CRACR2A: variants seen among roughly 807,000 people sequenced by gnomAD.
CRACR2A encodes calcium release activated channel regulator 2A.
In CRACR2A, 79 loss-of-function variants were observed where a neutral mutation model predicts 90.5. That is an observed-to-expected ratio of 0.87 (90% confidence interval 0.73 to 1.05). The LOEUF (loss-of-function observed/expected upper bound fraction) is 1.05, where lower values mean the gene tolerates loss of function less well. Ranked by LOEUF, CRACR2A falls within the 50% of genes least tolerant of loss-of-function variation. CRACR2A has a pLI of 0.00. For missense variants in CRACR2A, 823 were observed against 897.2 expected (o/e 0.92, Z 1.06); for synonymous variants, 338 against 356.7 (o/e 0.95, Z 0.59).
intron 4 of CRACR2A, among the ~76,000 whole-genome samples, chr12:3,695,089 G>C (rs1449420284): frequency 6.6e-6 from 1 of 152,178 alleles, no homozygotes; most frequent in Non-Finnish European, 1.5e-5. Context: ...AGCTCAATGA[G>C]AGTTAATTAG....
chr12:3,747,833 C>T lies in CRACR2A; in HGVS notation c.-387+5182G>A, dbSNP rs545279033. On this transcript the variant is annotated intron_variant, in intron 1 of 19. Coordinates refer to ENST00000440314, the MANE Select transcript of CRACR2A (RefSeq NM_001144958.2). ...GTGTGCTACGTCTCACCCTTCTCAC[C>T]TTTCCTCTAACTAAGCCCAGAAGGG... is the stretch of plus-strand genomic sequence containing the variant. Among the ~76,000 whole-genome samples, 7 of 152,348 alleles carry T rather than the reference C, an allele frequency of 4.6e-5. No homozygotes were observed. The East Asian group carries it at 1.4e-3, about 29-fold the overall frequency.
At chr12:3,652,914 T>C (rs1040770199) in intron 10 of CRACR2A, among the ~76,000 whole-genome samples, 3 of 152,230 alleles carry the variant, frequency 2.0e-5, no homozygotes, top group Admixed American at 6.5e-5. Flanking sequence ...TCTTAGCATC[T>C]TGGGAGAGTT....
intron 8 of CRACR2A, among the ~76,000 whole-genome samples, chr12:3,657,408 G>A (rs921032359): frequency 2.6e-5 from 4 of 152,212 alleles, no homozygotes; most frequent in Non-Finnish European, 5.9e-5. Context: ...TGCACTAGAC[G>A]GGTGTCCTGG....
chr12:3,652,690 C>T (rs932057081), intron 10 of CRACR2A, among the ~76,000 whole-genome samples: 11 of 152,160 alleles, frequency 7.2e-5, no homozygotes, highest in African/African-American at 2.7e-4. Context: ...AAACAAGTTC[C>T]GGTAAGTAGC....
At chr12:3,749,034 A>T (rs1327155004) in intron 1 of CRACR2A, among the ~76,000 whole-genome samples, 4 of 152,204 alleles carry the variant, frequency 2.6e-5, no homozygotes. Context: ...CCTGAGTTCA[A>T]ATCCTGCCTC....
In CRACR2A at chr12:3,633,791, C is replaced by T. The variant is rs1944415242; in HGVS notation, c.1603-55G>A. ...CAGGGAATAGTCTTGCCAGCCCCTG[C>T]CCCTGCCACCAGAGGCCCTTTACCC... On this transcript the variant is annotated intron_variant, in intron 14 of 19. Transcript: ENST00000440314. The surrounding 1 kb of genome is among the most constrained non-coding windows in gnomAD (Gnocchi z 4.5). 3.9e-6 allele frequency: 6 copies of T among 1,548,032 alleles called. No individual in the cohort carries two copies. The highest frequency in any genetic ancestry group is 3.6e-5 in the South Asian group (3 of 83,922).
At chr12:3,655,286 G>C (rs1944880713) in intron 9 of CRACR2A, among the ~76,000 whole-genome samples, 1 of 152,184 alleles carries the variant, frequency 6.6e-6, no homozygotes, top group Admixed American at 6.5e-5. Context: ...TAGAGAGGAA[G>C]AGAAAGAGTA....
chr12:3,750,010 C>T (rs1309647042), intron 1 of CRACR2A, among the ~76,000 whole-genome samples: 2 of 151,808 alleles, frequency 1.3e-5, no homozygotes, highest in East Asian at 1.9e-4. Context: ...AATCTCAGCT[C>T]ACTGCAAACA....
intron 10 of CRACR2A, among the ~76,000 whole-genome samples, chr12:3,651,329 A>G (rs963448419): frequency 6.6e-6 from 1 of 152,260 alleles, no homozygotes; most frequent in African/African-American, 2.4e-5. Context: ...GCCTGCATAT[A>G]CAGAGCATAC....
rs1332662005 is a variant in CRACR2A, at chr12:3,654,194, G to A, written c.1046+18C>T. ...GGTGCGGGAAGACAGCAGAGGAGTG[G>A]ACAAAGGCTGGACTCACATCTCCTT... On this transcript the variant is annotated intron_variant, in intron 10 of 19. Transcript: ENST00000440314. The A allele has an allele frequency of 2.5e-6, 4 of 1,608,102 alleles. No homozygotes were observed. In the Admixed American group the frequency reaches 6.8e-5, roughly 28 times the overall value.
At position 3,697,159 on chromosome 12, in the gene CRACR2A, A is replaced by G. The variant is rs781764204; in HGVS notation, c.-36-124T>C. 4 of 1,193,764 alleles carry G rather than the reference A, an allele frequency of 3.4e-6. No individual in the cohort carries two copies. The South Asian group carries it at 6.5e-5, about 20-fold the overall frequency. 73.9% of individuals were successfully genotyped at this position (1,193,764 alleles called of 1,614,324 possible). A position where few individuals can be genotyped will look rare whatever the true frequency, so the allele number is the denominator to read the frequency against. ...CAGTGTGTCCAGGAATCTCTTAGCA[A>G]CTACCTCTTAATTAGCAAAAGCTCA... On this transcript the variant is annotated intron_variant, in intron 3 of 19. Transcript: ENST00000440314.
intron 13 of CRACR2A, among the ~76,000 whole-genome samples, chr12:3,640,074 GC>G (rs1305782774): frequency 6.6e-6 from 1 of 152,158 alleles, no homozygotes; most frequent in East Asian, 1.9e-4. Flanking sequence ...TTAAAACAAA[GC>G]ATTTCTTGGA....
At chr12:3,736,460 G>A (rs1237751478) in intron 1 of CRACR2A, among the ~76,000 whole-genome samples, 1 of 152,088 alleles carries the variant, frequency 6.6e-6, no homozygotes, top group Non-Finnish European at 1.5e-5. Flanking sequence ...GCTTCCATGG[G>A]ACATTGGAGT....
At chr12:3,638,645 G>A (rs1944503613) in intron 13 of CRACR2A, among the ~76,000 whole-genome samples, 191 bp from the exon 14 acceptor site, 1 of 152,138 alleles carries the variant, frequency 6.6e-6, no homozygotes, top group South Asian at 2.1e-4. Flanking sequence ...TCCACTAAGT[G>A]CCTGCTGCCA....
chr12:3,684,900 G>A (rs933755525), intron 4 of CRACR2A, among the ~76,000 whole-genome samples: 2 of 152,218 alleles, frequency 1.3e-5, no homozygotes, highest in African/African-American at 4.8e-5. Flanking sequence ...TGAAGGCAAG[G>A]GAGAGCGGGC....
At chr12:3,626,082 C>T (rs906093497) in intron 17 of CRACR2A, among the ~76,000 whole-genome samples, 3 of 152,202 alleles carry the variant, frequency 2.0e-5, no homozygotes, top group African/African-American at 7.2e-5. Context: ...GCGTCAGGCA[C>T]AGTAATTTTG....
In CRACR2A at chr12:3,627,709, G is replaced by T; in HGVS notation, c.1736-3C>A. 1 of 1,551,784 alleles carries T rather than the reference G, an allele frequency of 6.4e-7. No homozygotes were observed. Among genetic ancestry groups the T allele is most frequent in the Non-Finnish European group, 8.7e-7 (1 of 1,147,014 alleles). On this transcript the variant is annotated splice_region_variant and splice_polypyrimidine_tract_variant and intron_variant, in intron 15 of 19. Coordinates refer to ENST00000440314, the MANE Select transcript of CRACR2A (RefSeq NM_001144958.2). ...CGTCTTCACACGGTAATCAATGCCT[G>T]CAGGGTGAAATGGGCCTGTCAGGGC...
chr12:3,617,304 C>T (rs752747566), intron 18 of CRACR2A, among the ~76,000 whole-genome samples: 3 of 152,200 alleles, frequency 2.0e-5, no homozygotes, highest in Non-Finnish European at 4.4e-5. Flanking sequence ...TTACACTTTC[C>T]CAAATTCCTC....
chr12:3,710,876 G>A (rs1173989681), intron 3 of CRACR2A, among the ~76,000 whole-genome samples: 2 of 151,996 alleles, frequency 1.3e-5, no homozygotes, highest in African/African-American at 4.8e-5. Context: ...TCCCATTAGA[G>A]TCCTCAAAGG....
Sources: gnomAD v4.1 joint callset for allele counts (sites outside exome capture counted in the v4.1 genomes callset) on GRCh38, gnomAD v4.1.1 for gene constraint, Gnocchi (gnomAD v3.1) non-coding constraint, MANE v1.5 for transcripts, NCBI Gene and HGNC (gene_info 2026-07-23, HGNC 2026-07-21) for gene names.